Variants in NTRK3 observed in about 807,000 individuals in gnomAD.
NTRK3 encodes the protein NT-3 growth factor receptor.
A neutral mutation model predicts 91.7 loss-of-function variants in NTRK3; 24 were observed. The ratio of observed to expected loss-of-function variants is 0.26; its 90% CI spans 0.19 to 0.37. The LOEUF is 0.37. Among genes scored for constraint, NTRK3 ranks in the 10% least tolerant of loss-of-function variants. NTRK3 has a pLI of 1.00. For missense variants in NTRK3, 880 were observed against 1,068.9 expected, an observed-to-expected ratio of 0.82 and a Z score of 2.46; for synonymous variants, 483 against 404.0, an observed-to-expected ratio of 1.20 and a Z score of -2.34.
At chr15:87,864,979 G>A (rs2064624495) in exon 19 of NTRK3, 1 of 214,492 alleles carries the variant, frequency 4.7e-6, no homozygotes. Context: ...CTGAACAGTA[G>A]TCCGAAACAG....
chr15:87,870,524 A>T lies in NTRK3; in HGVS notation c.*6411T>A, dbSNP rs542960705. ...GTGTGCCAAAATCTCACAAATCACC[A>T]CCAAAGAACTTACTCATGTAACCAA... On this transcript the variant is annotated 3_prime_UTR_variant, in exon 19 of 19. Coordinates refer to ENST00000394480, the Ensembl canonical transcript of NTRK3. 1.2e-4 allele frequency: 26 copies of T among 208,384 alleles called. No homozygotes were observed. In the South Asian group the frequency reaches 2.2e-3, roughly 18 times the overall value. 12.9% of individuals were successfully genotyped at this position (208,384 alleles called of 1,614,324 possible).
exon 19 of NTRK3, chr15:87,861,297 G>A (rs576497349): frequency 3.7e-5 from 8 of 216,820 alleles, no homozygotes; most frequent in African/African-American, 1.3e-4. Flanking sequence ...CTCAGGGAAC[G>A]TAATATCCTA....
chr15:88,084,267 A>G (rs918540098), intron 13 of NTRK3, among the ~76,000 whole-genome samples: 1 of 151,962 alleles, frequency 6.6e-6, no homozygotes, highest in Non-Finnish European at 1.5e-5. Context: ...ACTCCCCTGC[A>G]CCCCAATGGG....
intron 5 of NTRK3, among the ~76,000 whole-genome samples, chr15:88,156,882 G>A (rs1391348832): frequency 6.6e-6 from 1 of 152,140 alleles, no homozygotes; most frequent in Non-Finnish European, 1.5e-5. Flanking sequence ...TTCAACGGAA[G>A]ACCCACAAAA....
Position 87,902,854 on chromosome 15 carries a change from C to T in NTRK3, c.2134-22426G>A, listed in dbSNP as rs147417874. On this transcript the variant is annotated intron_variant, in intron 17 of 18. Coordinates refer to ENST00000394480, the Ensembl canonical transcript of NTRK3. The stretch of plus-strand genomic sequence containing the variant: ...AGATCCCAGAGGCCCATGTAAAAAC[C>T]GACATGCCCAGCTAGGATGAAACTA... Among the ~76,000 whole-genome samples, 132 of 152,118 alleles carry T rather than the reference C, an allele frequency of 8.7e-4. 1 individual carries two copies. The highest frequency in any genetic ancestry group is 2.6e-3 in the African/African-American group (109 of 41,488).
intron 15 of NTRK3, among the ~76,000 whole-genome samples, chr15:87,936,011 G>C (rs971019069): frequency 3.9e-5 from 6 of 152,172 alleles, no homozygotes; most frequent in Admixed American, 6.5e-5. Context: ...CTGTCCCCAG[G>C]GACTGATGCA....
intron 17 of NTRK3, among the ~76,000 whole-genome samples, chr15:87,882,537 C>T (rs558275103): frequency 1.3e-5 from 2 of 151,974 alleles, no homozygotes; most frequent in Non-Finnish European, 2.9e-5. Context: ...AATAATAATA[C>T]TAATAATGCT....
intron 13 of NTRK3, among the ~76,000 whole-genome samples, chr15:88,057,368 G>A (rs892317936): frequency 2.0e-5 from 3 of 151,298 alleles, no homozygotes; most frequent in African/African-American, 7.3e-5. Flanking sequence ...CGTGGTGGCA[G>A]GTGCCTGTAA....
chr15:87,998,769 T>C (rs986294431), intron 14 of NTRK3, among the ~76,000 whole-genome samples: 3 of 152,180 alleles, frequency 2.0e-5, no homozygotes, highest in Non-Finnish European at 4.4e-5. Context: ...ACTGCAATCA[T>C]GCTAATTAAA....
intron 16 of NTRK3, among the ~76,000 whole-genome samples, chr15:87,930,059 C>T (rs8039186): frequency 0.42 from 64,445 of 151,948 alleles, 13,783 homozygotes; most frequent in South Asian, 0.52. Flanking sequence ...TCATTTGCAT[C>T]TCCCACTAGC....
intron 14 of NTRK3, among the ~76,000 whole-genome samples, chr15:87,988,989 C>A (rs1427537016): frequency 6.6e-6 from 1 of 151,918 alleles, no homozygotes; most frequent in Non-Finnish European, 1.5e-5. Context: ...GCAATCTTGG[C>A]TCACTGCAAC....
At chr15:88,182,967 T>C (rs1244250149) in intron 5 of NTRK3, among the ~76,000 whole-genome samples, 2 of 152,114 alleles carry the variant, frequency 1.3e-5, no homozygotes, top group Non-Finnish European at 2.9e-5. Context: ...CCAGATCTAT[T>C]TAGACATAAC....
chr15:87,992,446 T>C (rs1440850047), intron 14 of NTRK3, among the ~76,000 whole-genome samples: 3 of 152,238 alleles, frequency 2.0e-5, no homozygotes, highest in African/African-American at 4.8e-5. Flanking sequence ...ACTTGGCAGT[T>C]AATTGTTCAT....
chr15:88,015,947 A>G (rs2077206403), intron 14 of NTRK3, among the ~76,000 whole-genome samples: 2 of 151,506 alleles, frequency 1.3e-5, no homozygotes, highest in Admixed American at 6.6e-5. Flanking sequence ...GCATTGTGAA[A>G]TAAAGGTCTA....
In NTRK3 at chr15:87,929,185, C is replaced by A. The variant is rs767965091; in HGVS notation, c.2133+6G>T. The A allele has an allele frequency of 6.2e-7, 1 of 1,614,160 alleles. No individual in the cohort carries two copies. The highest frequency in any genetic ancestry group is 8.5e-7 in the Non-Finnish European group (1 of 1,180,040). ...CTGAGTCCTGCAGCTGGGAAAGTCA[C>A]TTTACCCTGTAATAATCCGTGCTGT... On this transcript the variant is annotated splice_donor_region_variant and intron_variant, in intron 17 of 18. Coordinates refer to ENST00000394480, the Ensembl canonical transcript of NTRK3.
intron 6 of NTRK3, among the ~76,000 whole-genome samples, chr15:88,138,545 C>T (rs2042093799): frequency 6.6e-6 from 1 of 152,178 alleles, no homozygotes; most frequent in South Asian, 2.1e-4. Flanking sequence ...TCTCTGACCT[C>T]ATCTTCCCTC....
chr15:87,935,338 T>C (rs1355741553), intron 15 of NTRK3, among the ~76,000 whole-genome samples: 1 of 152,154 alleles, frequency 6.6e-6, no homozygotes, highest in African/African-American at 2.4e-5. Context: ...CAGACCTCAT[T>C]CTATGTGTTC....
intron 3 of NTRK3, among the ~76,000 whole-genome samples, chr15:88,242,871 C>T (rs562686567): frequency 1.3e-5 from 2 of 152,246 alleles, no homozygotes; most frequent in African/African-American, 4.8e-5. Flanking sequence ...GCTGCACACA[C>T]CGCCAATGCC....
At chr15:88,029,697 A>G (rs1290211417) in intron 14 of NTRK3, among the ~76,000 whole-genome samples, 1 of 152,186 alleles carries the variant, frequency 6.6e-6, no homozygotes, top group African/African-American at 2.4e-5. Context: ...CATCCCCCTA[A>G]AGGAGTGACC....
Sources: allele counts gnomAD v4.1 joint callset (sites outside exome capture counted in the v4.1 genomes callset), GRCh38; gene constraint gnomAD v4.1.1; transcripts MANE v1.5; gene names NCBI Gene and HGNC (gene_info 2026-07-23, HGNC 2026-07-21).